PTPRD: variants seen among roughly 807,000 people sequenced by gnomAD.
PTPRD encodes protein tyrosine phosphatase receptor type D.
Under a neutral mutation model 214.5 loss-of-function variants are expected in PTPRD, and 34 were observed. The ratio of observed to expected loss-of-function variants is 0.16; its 90% confidence interval spans 0.12 to 0.21. PTPRD has a LOEUF of 0.21. Among genes scored for constraint, PTPRD ranks in the 10% least tolerant of loss-of-function variants. The pLI, the probability that PTPRD is intolerant of heterozygous loss-of-function variation, is 1.00. For missense variants in PTPRD, 2,545 were observed against 2,398.7 expected, an observed-to-expected ratio of 1.06 and a Z score of -1.27; for synonymous variants, 1,128 against 845.7, an observed-to-expected ratio of 1.33 and a Z score of -5.79.
intron 5 of PTPRD, among the ~76,000 whole-genome samples, chr9:9,814,939 A>G (rs1244277290): frequency 6.6e-6 from 1 of 151,204 alleles, no homozygotes; most frequent in African/African-American, 2.4e-5. Flanking sequence ...AGCTGGGACT[A>G]CAGGTGCACG....
At chr9:8,409,944 A>T (rs1236999778) in intron 35 of PTPRD, among the ~76,000 whole-genome samples, 2 of 152,198 alleles carry the variant, frequency 1.3e-5, no homozygotes, top group Admixed American at 1.3e-4. Flanking sequence ...AAGAAACAGT[A>T]TCTTTTCACA....
At chr9:10,579,903 T>C (rs1330564058) in intron 2 of PTPRD, among the ~76,000 whole-genome samples, 4 of 152,190 alleles carry the variant, frequency 2.6e-5, no homozygotes, top group Non-Finnish European at 5.9e-5. Context: ...TGAATGCCTT[T>C]CTTTTTTTTA....
chr9:9,565,711 G>A (rs977078532), intron 8 of PTPRD, among the ~76,000 whole-genome samples: 9 of 151,754 alleles, frequency 5.9e-5, no homozygotes, highest in African/African-American at 2.2e-4. Flanking sequence ...CCCAGAAACT[G>A]TTACATTATT....
intron 3 of PTPRD, among the ~76,000 whole-genome samples, chr9:10,164,349 G>A (rs980707885): frequency 4.0e-4 from 61 of 151,440 alleles, no homozygotes; most frequent in African/African-American, 1.5e-3. Flanking sequence ...TATTATTTCA[G>A]TAACTGAATT....
At chr9:8,666,438 T>C (rs961086596) in intron 12 of PTPRD, among the ~76,000 whole-genome samples, 4 of 152,336 alleles carry the variant, frequency 2.6e-5, no homozygotes, top group East Asian at 3.9e-4. Context: ...AAAGAGAAGA[T>C]AGTTTAAAAA....
chr9:10,330,596 C>G (rs2096731238), intron 3 of PTPRD, among the ~76,000 whole-genome samples: 1 of 151,816 alleles, frequency 6.6e-6, no homozygotes, highest in Non-Finnish European at 1.5e-5. Context: ...CTTAACTAAA[C>G]TGGAACTACA....
At chr9:8,359,768 T>G (rs946899696) in intron 39 of PTPRD, among the ~76,000 whole-genome samples, 2 of 152,208 alleles carry the variant, frequency 1.3e-5, no homozygotes, top group African/African-American at 4.8e-5. Context: ...ATCTCTGTAT[T>G]TCAGTTGCAT....
At chr9:9,295,270 G>C (rs1355461095) in intron 9 of PTPRD, among the ~76,000 whole-genome samples, 1 of 151,592 alleles carries the variant, frequency 6.6e-6, no homozygotes, top group Non-Finnish European at 1.5e-5. Flanking sequence ...CAAGGCTGGA[G>C]GTAAAATTAT....
At chr9:8,486,981 T>A in intron 27 of PTPRD, among the ~76,000 whole-genome samples, 1 of 148,636 alleles carries the variant, frequency 6.7e-6, no homozygotes, top group East Asian at 2.0e-4. Flanking sequence ...TGCTGCTATG[T>A]TGCTTAAAAG....
In PTPRD at chr9:9,666,893, G is replaced by T. The variant is rs148870557; in HGVS notation, c.-287+67640C>A. On this transcript the variant is annotated intron_variant, in intron 7 of 45. Transcript: ENST00000381196. ...TTAATGCTTTACCTCGCTTTTTATG[G>T]ATACATTGTTGTATTTAATGCAAAA... Among the ~76,000 whole-genome samples, 675 of 151,846 alleles carry T rather than the reference G, an allele frequency of 4.4e-3. 3 individuals are homozygous for T. Among genetic ancestry groups the T allele is most frequent in the African/African-American group, 0.015 (634 of 41,418 alleles).
chr9:9,726,513 T>C (rs1032412746), intron 7 of PTPRD, among the ~76,000 whole-genome samples: 3 of 152,226 alleles, frequency 2.0e-5, no homozygotes, highest in Admixed American at 6.5e-5. Context: ...GATGCTATGT[T>C]ATTCTTTAAG....
chr9:10,418,545 C>G (rs956045716), intron 2 of PTPRD, among the ~76,000 whole-genome samples: 2 of 149,510 alleles, frequency 1.3e-5, no homozygotes, highest in Non-Finnish European at 3.0e-5. Flanking sequence ...CATTTATCAC[C>G]ATCTGGCATA....
intron 3 of PTPRD, among the ~76,000 whole-genome samples, chr9:10,240,686 T>C (rs10809044): frequency 0.37 from 56,442 of 151,654 alleles, 12,449 homozygotes; most frequent in Non-Finnish European, 0.49. Flanking sequence ...AAATTGATTA[T>C]TAATGCCTAA....
At chr9:8,435,392 T>C (rs1480789425) in intron 35 of PTPRD, among the ~76,000 whole-genome samples, 1 of 152,094 alleles carries the variant, frequency 6.6e-6, no homozygotes, top group Non-Finnish European at 1.5e-5. Flanking sequence ...ACTGCCCCAA[T>C]TAAGGCTGAT....
At chr9:8,953,070 G>GTTT (rs577498219) in intron 11 of PTPRD, among the ~76,000 whole-genome samples, 5 of 148,298 alleles carry the variant, frequency 3.4e-5, no homozygotes, top group African/African-American at 1.2e-4. Flanking sequence ...TTTTAGAATA[G>GTTT]TTTTTTTTTT....
At chr9:9,040,521 T>C (rs1450456054) in intron 10 of PTPRD, among the ~76,000 whole-genome samples, 1 of 152,188 alleles carries the variant, frequency 6.6e-6, no homozygotes, top group Non-Finnish European at 1.5e-5. Flanking sequence ...AACCGCACTC[T>C]TGCATAGAGA....
At chr9:8,797,838 GGACA>G (rs1475341574) in intron 11 of PTPRD, among the ~76,000 whole-genome samples, 4 of 151,828 alleles carry the variant, frequency 2.6e-5, no homozygotes, top group Non-Finnish European at 5.9e-5. Flanking sequence ...GTCTAGAACA[GGACA>G]GACTCTCAGA....
chr9:10,554,124 T>C (rs1048009149), intron 2 of PTPRD, among the ~76,000 whole-genome samples: 5 of 152,182 alleles, frequency 3.3e-5, no homozygotes, highest in African/African-American at 1.2e-4. Context: ...ATTAAGAGCT[T>C]TTAATGATGA....
At chr9:10,480,392 T>G (rs1049386901) in intron 2 of PTPRD, among the ~76,000 whole-genome samples, 4 of 152,120 alleles carry the variant, frequency 2.6e-5, no homozygotes, top group Admixed American at 6.6e-5. Context: ...AAGCTAGTAT[T>G]ACAAGGGGAA....
Sources: gnomAD v4.1 joint callset for allele counts (sites outside exome capture counted in the v4.1 genomes callset) on GRCh38, gnomAD v4.1.1 for gene constraint, MANE v1.5 for transcripts, NCBI Gene and HGNC (gene_info 2026-07-23, HGNC 2026-07-21) for gene names.